RAB27B: variants seen among roughly 807,000 people sequenced by gnomAD.
RAB27B encodes RAB27B, member RAS oncogene family.
RAB27B carries 15 observed loss-of-function variants against 24.6 expected under a neutral mutation model. That is an observed-to-expected ratio of 0.61 (90% confidence interval 0.41 to 0.94). The LOEUF is 0.94. RAB27B is among the 40% of genes least tolerant of loss of function. RAB27B has a pLI of 0.00. For synonymous variants in RAB27B, 105 were observed against 92.5 expected (o/e 1.14, Z -0.78); for missense variants, 261 against 266.8 (o/e 0.98, Z 0.15).
At chr18:54,726,237 C>G (rs1909532969) in intron 2 of RAB27B, among the ~76,000 whole-genome samples, 1 of 151,418 alleles carries the variant, frequency 6.6e-6, no homozygotes, top group African/African-American at 2.4e-5. Context: ...TATCATAAAT[C>G]TGAGGGTTGC....
chr18:54,779,830 A>C (rs1908832738), intron 2 of RAB27B, among the ~76,000 whole-genome samples: 1 of 152,158 alleles, frequency 6.6e-6, no homozygotes, highest in Non-Finnish European at 1.5e-5. Flanking sequence ...AATCCAAGGC[A>C]AGATGGCAGC....
At chr18:54,721,467 T>C (rs916002167) in intron 2 of RAB27B, among the ~76,000 whole-genome samples, 4 of 152,182 alleles carry the variant, frequency 2.6e-5, no homozygotes, top group African/African-American at 7.2e-5. Flanking sequence ...ATAGTGAACG[T>C]TGGAGTTTGC....
intron 3 of RAB27B, among the ~76,000 whole-genome samples, chr18:54,882,591 T>C: frequency 6.6e-6 from 1 of 152,172 alleles, no homozygotes; most frequent in East Asian, 1.9e-4. Flanking sequence ...ATGCACAATG[T>C]ATGAGTGAGT....
chr18:54,879,188 A>T (rs1460470845), intron 2 of RAB27B, among the ~76,000 whole-genome samples, 181 bp from the exon 3 acceptor site: 2 of 152,312 alleles, frequency 1.3e-5, no homozygotes, highest in Non-Finnish European at 2.9e-5. Flanking sequence ...TCATACTTGC[A>T]CTTGACATTT....
chr18:54,812,201 A>G (rs1909983906), intron 2 of RAB27B, among the ~76,000 whole-genome samples: 1 of 152,190 alleles, frequency 6.6e-6, no homozygotes, highest in African/African-American at 2.4e-5. Context: ...GTTGTATTAA[A>G]CAGAATTTTA....
At chr18:54,837,112 TAGAG>T (rs10536614) in intron 1 of RAB27B, among the ~76,000 whole-genome samples, 96,132 of 151,530 alleles carry the variant, frequency 0.63, 32,921 homozygotes, top group East Asian at 0.91. Flanking sequence ...TCTAGTAAAA[TAGAG>T]AGTTACATGA....
intron 1 of RAB27B, among the ~76,000 whole-genome samples, chr18:54,862,499 G>A (rs977898732): frequency 6.6e-5 from 10 of 152,178 alleles, no homozygotes; most frequent in Non-Finnish European, 1.3e-4. Context: ...GGGTGCTGAA[G>A]GGGTTTACAG....
intron 2 of RAB27B, among the ~76,000 whole-genome samples, chr18:54,798,857 G>C (rs975245090): frequency 2.6e-5 from 4 of 152,050 alleles, no homozygotes; most frequent in African/African-American, 9.7e-5. Flanking sequence ...AAATTCAAAA[G>C]AATAATTGTC....
intron 2 of RAB27B, among the ~76,000 whole-genome samples, chr18:54,749,337 C>T (rs944596859): frequency 1.3e-5 from 2 of 152,132 alleles, no homozygotes; most frequent in South Asian, 2.1e-4. Flanking sequence ...TCAAAGCACT[C>T]GCATGCTGAA....
At chr18:54,724,413 A>G (rs1909463567) in intron 2 of RAB27B, among the ~76,000 whole-genome samples, 1 of 151,418 alleles carries the variant, frequency 6.6e-6, no homozygotes, top group African/African-American at 2.4e-5. Context: ...AGAACATGGG[A>G]GGTGACAGCC....
chr18:54,884,199 A>G, intron 3 of RAB27B, 134 bp from the exon 4 acceptor site: 3 of 566,628 alleles, frequency 5.3e-6, no homozygotes, highest in South Asian at 4.6e-5. Context: ...CTCTGCCCAC[A>G]TTCCCATTTC....
intron 2 of RAB27B, among the ~76,000 whole-genome samples, chr18:54,738,804 A>G (rs1251223738): frequency 6.6e-6 from 1 of 152,114 alleles, no homozygotes; most frequent in Non-Finnish European, 1.5e-5. Flanking sequence ...TCATGAAACA[A>G]TTTTGTTATA....
At chr18:54,760,749 A>G (rs1437738205) in intron 2 of RAB27B, among the ~76,000 whole-genome samples, 1 of 152,154 alleles carries the variant, frequency 6.6e-6, no homozygotes, top group African/African-American at 2.4e-5. Flanking sequence ...CAGGATGGCA[A>G]TTCTCTTCAG....
intron 1 of RAB27B, among the ~76,000 whole-genome samples, chr18:54,835,593 A>G (rs1910862766): frequency 6.6e-6 from 1 of 152,024 alleles, no homozygotes; most frequent in Non-Finnish European, 1.5e-5. Context: ...CTGTAACGAA[A>G]ATATTCTCAT....
chr18:54,746,609 T>C (rs959360740), intron 2 of RAB27B, among the ~76,000 whole-genome samples: 3 of 152,180 alleles, frequency 2.0e-5, no homozygotes, highest in African/African-American at 7.2e-5. Flanking sequence ...ACTATTAAGA[T>C]AGAGAGGCTG....
chr18:54,768,837 C>T (rs1414470203), intron 2 of RAB27B, among the ~76,000 whole-genome samples: 1 of 152,140 alleles, frequency 6.6e-6, no homozygotes, highest in East Asian at 1.9e-4. Flanking sequence ...CACTCACTAT[C>T]ATGAGGACAG....
At chr18:54,776,757 T>G (rs1908727202) in intron 2 of RAB27B, among the ~76,000 whole-genome samples, 1 of 152,182 alleles carries the variant, frequency 6.6e-6, no homozygotes, top group Admixed American at 6.5e-5. Context: ...AGTGAAGGTT[T>G]GATGAATGAA....
At chr18:54,778,134 G>A (rs1214538478) in intron 2 of RAB27B, among the ~76,000 whole-genome samples, 1 of 152,180 alleles carries the variant, frequency 6.6e-6, no homozygotes, top group Non-Finnish European at 1.5e-5. Context: ...AATAAGTCAT[G>A]TCTCCTTTCT....
intron 2 of RAB27B, among the ~76,000 whole-genome samples, chr18:54,772,172 C>T (rs1052267733): frequency 1.3e-5 from 2 of 152,156 alleles, no homozygotes; most frequent in African/African-American, 4.8e-5. Flanking sequence ...CATAGAGGTC[C>T]TGGATAGGGA....
Sources: gnomAD v4.1 joint callset for allele counts (sites outside exome capture counted in the v4.1 genomes callset) on GRCh38, gnomAD v4.1.1 for gene constraint, MANE v1.5 for transcripts, NCBI Gene and HGNC (gene_info 2026-07-23, HGNC 2026-07-21) for gene names.